GABRG3: variants seen among roughly 807,000 people sequenced by gnomAD.
GABRG3 encodes the protein gamma-aminobutyric acid receptor subunit gamma-3.
Under a neutral mutation model 48.8 loss-of-function variants are expected in GABRG3, and 25 were observed. That is an observed-to-expected ratio of 0.51 (90% confidence interval 0.37 to 0.72). The LOEUF (loss-of-function observed/expected upper bound fraction) is 0.72, where lower values mean the gene tolerates loss of function less well. GABRG3 is among the 30% of genes least tolerant of loss of function. The pLI is 0.00. For missense variants in GABRG3, 394 were observed against 577.9 expected (o/e 0.68, Z 3.26); for synonymous variants, 227 against 217.6 (o/e 1.04, Z -0.38).
intron 3 of GABRG3, among the ~76,000 whole-genome samples, chr15:27,284,500 T>A (rs1891544025): frequency 6.6e-6 from 1 of 152,194 alleles, no homozygotes; most frequent in Admixed American, 6.5e-5. Flanking sequence ...CATTTCTGTG[T>A]CTCACACACT....
At chr15:27,519,892 C>T in intron 6 of GABRG3, 80 bp from the exon 7 acceptor site, 1 of 1,025,278 alleles carries the variant, frequency 9.8e-7, no homozygotes, top group Non-Finnish European at 1.4e-6. Flanking sequence ...ATTCACTTAA[C>T]AAAATAAATT....
At chr15:27,121,551 G>C (rs1566940602) in intron 3 of GABRG3, among the ~76,000 whole-genome samples, 1 of 152,280 alleles carries the variant, frequency 6.6e-6, no homozygotes, top group African/African-American at 2.4e-5. Flanking sequence ...TAGAGGCTGT[G>C]CCTGGGGCTG....
chr15:27,294,128 A>G (rs1891895994), intron 3 of GABRG3, among the ~76,000 whole-genome samples: 1 of 152,112 alleles, frequency 6.6e-6, no homozygotes, highest in Admixed American at 6.6e-5. Context: ...GGAGAGGACA[A>G]ATATCACATG....
At chr15:27,215,528 T>G (rs2140437401) in intron 3 of GABRG3, among the ~76,000 whole-genome samples, 1 of 152,272 alleles carries the variant, frequency 6.6e-6, no homozygotes, top group Non-Finnish European at 1.5e-5. Flanking sequence ...CCTTAATAGA[T>G]TGTTCTAACC....
At chr15:27,199,881 C>A (rs1265319424) in intron 3 of GABRG3, among the ~76,000 whole-genome samples, 1 of 149,818 alleles carries the variant, frequency 6.7e-6, no homozygotes, top group Non-Finnish European at 1.5e-5. Flanking sequence ...TTCTTTCTTC[C>A]TCCCTCCCTG....
intron 2 of GABRG3, among the ~76,000 whole-genome samples, chr15:27,017,067 A>G (rs1895792015): frequency 6.6e-6 from 1 of 151,916 alleles, no homozygotes; most frequent in Non-Finnish European, 1.5e-5. Flanking sequence ...GTTATTTTGA[A>G]TTATTTATCT....
intron 3 of GABRG3, among the ~76,000 whole-genome samples, chr15:27,324,292 A>C (rs1199081602): frequency 1.3e-5 from 2 of 152,062 alleles, no homozygotes; most frequent in African/African-American, 2.4e-5. Flanking sequence ...CCTGTAAACT[A>C]AGAAGACCTA....
chr15:27,129,133 G>A (rs1897872179), intron 3 of GABRG3, among the ~76,000 whole-genome samples: 1 of 152,092 alleles, frequency 6.6e-6, no homozygotes, highest in African/African-American at 2.4e-5. Context: ...AGATTGTTGT[G>A]CTATTATCAC....
At chr15:27,296,446 A>G (rs1385042293) in intron 3 of GABRG3, among the ~76,000 whole-genome samples, 2 of 152,224 alleles carry the variant, frequency 1.3e-5, no homozygotes, top group African/African-American at 2.4e-5. Context: ...CATTTATTCC[A>G]TAGGAATAAA....
At position 27,076,786 on chromosome 15, in the gene GABRG3, G is replaced by A. The variant is rs192772443; in HGVS notation, c.270+49965G>A. On this transcript the variant is annotated intron_variant, in intron 3 of 9. Coordinates refer to ENST00000615808, the MANE Select transcript of GABRG3 (RefSeq NM_033223.5). ...CAGACACTAGAGGCCATCAGAAGCCGGAAGAATGGGGAATGATTCTGCCCC... is the reference window on the plus strand; with the variant it reads ...CAGACACTAGAGGCCATCAGAAGCCAGAAGAATGGGGAATGATTCTGCCCC... Among the ~76,000 whole-genome samples the A allele has an allele frequency of 1.9e-3, 290 of 152,276 alleles. 1 individual carries two copies. Among genetic ancestry groups the A allele is most frequent in the Non-Finnish European group, 3.3e-3 (227 of 68,018 alleles).
At chr15:27,299,898 A>G (rs1892136515) in intron 3 of GABRG3, among the ~76,000 whole-genome samples, 1 of 152,208 alleles carries the variant, frequency 6.6e-6, no homozygotes, top group South Asian at 2.1e-4. Context: ...TTGCAGAAAG[A>G]AAAGAGGTCA....
At chr15:27,271,792 G>A (rs1012113252) in intron 3 of GABRG3, among the ~76,000 whole-genome samples, 2 of 152,214 alleles carry the variant, frequency 1.3e-5, no homozygotes, top group Non-Finnish European at 2.9e-5. Flanking sequence ...AGGTGATGGG[G>A]AGGTCTGGAG....
At chr15:27,011,383 T>C (rs1158198003) in intron 2 of GABRG3, among the ~76,000 whole-genome samples, 1 of 152,206 alleles carries the variant, frequency 6.6e-6, no homozygotes, top group Non-Finnish European at 1.5e-5. Flanking sequence ...CCTCCTTCCA[T>C]CACCCATATT....
At chr15:27,521,219 C>T (rs865943371) in intron 7 of GABRG3, among the ~76,000 whole-genome samples, 1 of 151,986 alleles carries the variant, frequency 6.6e-6, no homozygotes, top group Non-Finnish European at 1.5e-5. Flanking sequence ...TAGAATTTCA[C>T]GGTGCAGTCA....
At chr15:26,978,283 T>C (rs2140635576) in intron 2 of GABRG3, among the ~76,000 whole-genome samples, 1 of 152,268 alleles carries the variant, frequency 6.6e-6, no homozygotes, top group South Asian at 2.1e-4. Flanking sequence ...AGTTTGCTTT[T>C]CATCCTTTTA....
chr15:26,982,018 G>A (rs1895065209), intron 2 of GABRG3, among the ~76,000 whole-genome samples: 1 of 152,128 alleles, frequency 6.6e-6, no homozygotes. Context: ...GAAAGAGAGG[G>A]ACTAAAATGA....
intron 2 of GABRG3, among the ~76,000 whole-genome samples, chr15:27,000,093 G>A (rs1005150938): frequency 4.6e-5 from 7 of 152,004 alleles, no homozygotes; most frequent in Admixed American, 3.3e-4. Context: ...TGTCTGTTTT[G>A]CTAATCTAAT....
rs967627595 is a variant in GABRG3, at chr15:27,243,866, T to A, written c.271-82943T>A. Among the ~76,000 whole-genome samples the A allele has an allele frequency of 1.9e-4, 29 of 152,232 alleles. 1 individual carries two copies. The highest frequency in any genetic ancestry group is 3.8e-4 in the Non-Finnish European group (26 of 68,040). On this transcript the variant is annotated intron_variant, in intron 3 of 9. Coordinates refer to ENST00000615808, the MANE Select transcript of GABRG3 (RefSeq NM_033223.5). The stretch of plus-strand genomic sequence containing the variant: ...AGTAAATGGAAGTTTTTTTCAACTT[T>A]ACGCACTCAGTGTTTATTTGTTGTT...
chr15:27,204,319 G>A (rs1888786347), intron 3 of GABRG3, among the ~76,000 whole-genome samples: 3 of 152,034 alleles, frequency 2.0e-5, no homozygotes, highest in Admixed American at 2.0e-4. Context: ...TTTCCCTATT[G>A]CTTGTTATTG....
Sources: allele counts gnomAD v4.1 joint callset (sites outside exome capture counted in the v4.1 genomes callset), GRCh38; gene constraint gnomAD v4.1.1; transcripts MANE v1.5; gene names NCBI Gene and HGNC (gene_info 2026-07-23, HGNC 2026-07-21).